GALNT7: variants seen among roughly 807,000 people sequenced by gnomAD.
The protein encoded by GALNT7 is N-acetylgalactosaminyltransferase 7.
In GALNT7, 60 loss-of-function variants were observed where a neutral mutation model predicts 82.1. The observed-to-expected ratio is 0.73, with a 90% CI of 0.59 to 0.91. The LOEUF (loss-of-function observed/expected upper bound fraction) is 0.91. GALNT7 is among the 40% of genes least tolerant of loss of function. GALNT7 has a pLI of 0.00. For missense variants in GALNT7, 660 were observed against 804.2 expected (o/e 0.82, Z 2.17); for synonymous variants, 243 against 275.1 (o/e 0.88, Z 1.15).
intron 1 of GALNT7, among the ~76,000 whole-genome samples, chr4:173,210,988 T>C (rs1733265312): frequency 6.6e-6 from 1 of 152,202 alleles, no homozygotes. Context: ...CAAAAGAATG[T>C]ATCAGCGTGT....
intron 1 of GALNT7, among the ~76,000 whole-genome samples, chr4:173,208,005 T>C (rs1733153278): frequency 1.3e-5 from 2 of 152,190 alleles, no homozygotes; most frequent in Non-Finnish European, 2.9e-5. Flanking sequence ...ATTTTGTAAA[T>C]TGCCTGTTTG....
chr4:173,297,723 GAT>G (rs1736770432), intron 5 of GALNT7: 6 of 641,808 alleles, frequency 9.3e-6, no homozygotes, highest in Non-Finnish European at 1.4e-5. Flanking sequence ...AACAAAAAGA[GAT>G]AACGTAGTTA....
At chr4:173,233,376 T>C (rs1223857852) in intron 1 of GALNT7, among the ~76,000 whole-genome samples, 1 of 152,236 alleles carries the variant, frequency 6.6e-6, no homozygotes, top group Non-Finnish European at 1.5e-5. Flanking sequence ...GTTCCCTTAC[T>C]CTGCATGTTT....
At chr4:173,169,053 G>C in intron 1 of GALNT7, 92 bp downstream of exon 1, 3 of 1,302,446 alleles carry the variant, frequency 2.3e-6, no homozygotes, top group Middle Eastern at 2.7e-4. Context: ...GCGGGGTCGC[G>C]GCACGGCGTG....
At chr4:173,169,084 G>A in intron 1 of GALNT7, 123 bp downstream of exon 1, 1 of 902,922 alleles carries the variant, frequency 1.1e-6, no homozygotes, top group East Asian at 3.0e-5. Context: ...CTCCGCAGGT[G>A]GTGCTGGCGC....
intron 1 of GALNT7, among the ~76,000 whole-genome samples, chr4:173,173,600 A>C (rs555204603): frequency 2.3e-4 from 35 of 152,210 alleles, no homozygotes; most frequent in African/African-American, 8.4e-4. Context: ...TAGGTATTAG[A>C]TTCTCATAAG....
chr4:173,245,355 A>G (rs999436749), intron 1 of GALNT7, among the ~76,000 whole-genome samples: 6 of 152,166 alleles, frequency 3.9e-5, no homozygotes, highest in Non-Finnish European at 7.4e-5. Flanking sequence ...AACCTAAACT[A>G]TGGCGTGTAT....
chr4:173,266,868 GGTGTGTGTGT>G (rs71596614), intron 2 of GALNT7, among the ~76,000 whole-genome samples: 3,604 of 95,098 alleles, frequency 0.038, 133 homozygotes, highest in African/African-American at 0.096. Flanking sequence ...GGCTGGGAAG[GGTGTGTGTGT>G]GTGTGTGTGT....
chr4:173,195,723 A>T (rs1229516309), intron 1 of GALNT7, among the ~76,000 whole-genome samples: 2 of 152,198 alleles, frequency 1.3e-5, no homozygotes, highest in Non-Finnish European at 2.9e-5. Context: ...GTGAAATCAG[A>T]TAAGATGATG....
chr4:173,193,200 T>A (rs1732676177), intron 1 of GALNT7, among the ~76,000 whole-genome samples: 1 of 152,228 alleles, frequency 6.6e-6, no homozygotes, highest in Non-Finnish European at 1.5e-5. Flanking sequence ...ACGTGCCTGT[T>A]CTTCCTGCTG....
rs548388962 is a variant in GALNT7 at position 173,177,763 on chromosome 4, G to A, written c.126+8802G>A. 3.9e-5 allele frequency among the ~76,000 whole-genome samples: 6 copies of A among 152,220 alleles called. No homozygotes were observed. The South Asian group carries it at 1.2e-3, about 32-fold the overall frequency. On this transcript the variant is annotated intron_variant, in intron 1 of 11. Coordinates refer to ENST00000265000, the MANE Select transcript of GALNT7 (RefSeq NM_017423.3). Reference sequence around the variant, plus strand: ...TGCTAACCTAACCAGTAGTACTTTGGTCTAGAGAGGGACTACAGCAGCATC... The same window carrying A: ...TGCTAACCTAACCAGTAGTACTTTGATCTAGAGAGGGACTACAGCAGCATC...
At chr4:173,241,945 A>C (rs1361968383) in intron 1 of GALNT7, among the ~76,000 whole-genome samples, 1 of 152,188 alleles carries the variant, frequency 6.6e-6, no homozygotes, top group African/African-American at 2.4e-5. Flanking sequence ...CTTGAGATAA[A>C]AATAAAAGAT....
chr4:173,300,467 C>G (rs1188425416), intron 6 of GALNT7, among the ~76,000 whole-genome samples: 3 of 152,102 alleles, frequency 2.0e-5, no homozygotes, highest in African/African-American at 7.2e-5. Flanking sequence ...GCCCTTCTGA[C>G]AAAGTGTCAT....
At position 173,235,376 on chromosome 4, in the gene GALNT7, G is replaced by C. The variant is rs151040419; in HGVS notation, c.127-12604G>C. ...CCTTGCCCCAGGCACGCCTCACTCT[G>C]TACTCCAGCCATATCTAGTCCTTCT... On this transcript the variant is annotated intron_variant, in intron 1 of 11. Coordinates refer to ENST00000265000, the MANE Select transcript of GALNT7 (RefSeq NM_017423.3). Among the ~76,000 whole-genome samples the C allele has an allele frequency of 1.4e-4, 21 of 152,190 alleles. No individual in the cohort carries two copies. In the Middle Eastern group the frequency reaches 0.01, roughly 74 times the overall value.
intron 1 of GALNT7, among the ~76,000 whole-genome samples, chr4:173,186,386 T>C (rs13151627): frequency 0.26 from 39,386 of 152,128 alleles, 5,884 homozygotes; most frequent in African/African-American, 0.42. Flanking sequence ...TGAGTTTCGC[T>C]GAGTGATTTA....
At chr4:173,210,423 G>A (rs1462710698) in intron 1 of GALNT7, among the ~76,000 whole-genome samples, 2 of 152,134 alleles carry the variant, frequency 1.3e-5, no homozygotes, top group Non-Finnish European at 2.9e-5. Context: ...CAAAAGCCAG[G>A]GAGAACAGAA....
At chr4:173,211,663 C>T (rs992938077) in intron 1 of GALNT7, among the ~76,000 whole-genome samples, 3 of 152,222 alleles carry the variant, frequency 2.0e-5, no homozygotes, top group African/African-American at 4.8e-5. Flanking sequence ...TGCACGAGCA[C>T]GTGTGCACAC....
At chr4:173,202,649 A>T (rs573679569) in intron 1 of GALNT7, among the ~76,000 whole-genome samples, 1 of 152,284 alleles carries the variant, frequency 6.6e-6, no homozygotes, top group Non-Finnish European at 1.5e-5. Context: ...CATTTACAGC[A>T]TTTGTTTGAC....
intron 1 of GALNT7, chr4:173,169,533 G>C (rs1323977723): frequency 6.6e-6 from 1 of 151,578 alleles, no homozygotes; most frequent in Non-Finnish European, 1.5e-5. Context: ...CCGGGGAGTG[G>C]GAGGGCGATG....
Sources: gnomAD v4.1 joint callset for allele counts (sites outside exome capture counted in the v4.1 genomes callset) on GRCh38, gnomAD v4.1.1 for gene constraint, MANE v1.5 for transcripts, NCBI Gene and HGNC (gene_info 2026-07-23, HGNC 2026-07-21) for gene names.